Variants in ADAMTS16 observed in about 807,000 individuals in gnomAD.
The protein encoded by ADAMTS16 is A disintegrin and metalloproteinase with thrombospondin motifs 16.
ADAMTS16 carries 94 observed loss-of-function variants against 145.8 expected under a neutral mutation model. The ratio of observed to expected loss-of-function variants is 0.64; its 90% CI spans 0.55 to 0.77. ADAMTS16 has a LOEUF of 0.77. Among genes scored for constraint, ADAMTS16 ranks in the 30% least tolerant of loss-of-function variants. The pLI is 0.00. For synonymous variants in ADAMTS16, 659 were observed against 604.3 expected (o/e 1.09, Z -1.33); for missense variants, 1,585 against 1,591.5 (o/e 1.00, Z 0.07).
In ADAMTS16 at chr5:5,299,998, GT is replaced by G. The variant is rs1250250414; in HGVS notation, c.2790-3269del. Among the ~76,000 whole-genome samples the G allele has an allele frequency of 7.9e-5, 12 of 152,278 alleles. No homozygotes were observed. The East Asian group carries it at 2.1e-3, about 27-fold the overall frequency. ...GTTTTTTAAACAAAACAGACACTTG[GT>G]GTTTCCAGATGTGGTATGAAGGAGC... On this transcript the variant is annotated intron_variant, in intron 18 of 22. Coordinates refer to ENST00000274181, the MANE Select transcript of ADAMTS16 (RefSeq NM_139056.4).
intron 11 of ADAMTS16, among the ~76,000 whole-genome samples, chr5:5,229,154 C>T (rs1318940590): frequency 2.0e-5 from 3 of 151,350 alleles, no homozygotes; most frequent in Non-Finnish European, 2.9e-5. Context: ...AAAAATTAGC[C>T]GGGCGCGGTG....
intron 18 of ADAMTS16, among the ~76,000 whole-genome samples, chr5:5,264,779 G>GAC (rs1738173302): frequency 1.4e-5 from 2 of 141,906 alleles, no homozygotes; most frequent in African/African-American, 5.2e-5. Flanking sequence ...CTGCTATCAA[G>GAC]AGAGAATTTA....
At chr5:5,199,089 A>C (rs2126589035) in intron 8 of ADAMTS16, among the ~76,000 whole-genome samples, 1 of 152,296 alleles carries the variant, frequency 6.6e-6, no homozygotes, top group South Asian at 2.1e-4. Context: ...CTCCCAAGGA[A>C]GTATGTTGTG....
chr5:5,312,994 G>GA (rs932473906), intron 21 of ADAMTS16, among the ~76,000 whole-genome samples: 1 of 152,208 alleles, frequency 6.6e-6, no homozygotes, highest in Non-Finnish European at 1.5e-5. Flanking sequence ...GGCAAATTTA[G>GA]AAAGTGGAAA....
At chr5:5,157,212 G>T (rs763206488) in intron 3 of ADAMTS16, among the ~76,000 whole-genome samples, 1 of 150,894 alleles carries the variant, frequency 6.6e-6, no homozygotes, top group East Asian at 1.9e-4. Flanking sequence ...TAATTTCACA[G>T]AAATATATAG....
intron 8 of ADAMTS16, among the ~76,000 whole-genome samples, chr5:5,197,607 G>A (rs1237381473): frequency 6.6e-6 from 1 of 152,202 alleles, no homozygotes; most frequent in East Asian, 1.9e-4. Flanking sequence ...GTACTATGGT[G>A]CACAGGAGCA....
At chr5:5,220,065 A>G (rs947523344) in intron 10 of ADAMTS16, among the ~76,000 whole-genome samples, 1 of 152,066 alleles carries the variant, frequency 6.6e-6, no homozygotes, top group Non-Finnish European at 1.5e-5. Context: ...GCAAATGACT[A>G]CATGTTCCAT....
At chr5:5,181,925 A>G in intron 3 of ADAMTS16, 119 bp from the exon 4 acceptor site, 3 of 1,180,492 alleles carry the variant, frequency 2.5e-6, no homozygotes, top group Non-Finnish European at 3.6e-6. Flanking sequence ...GTTCGCTCTC[A>G]CTGGAGGGAA....
chr5:5,215,016 A>G lies in ADAMTS16; in HGVS notation c.1605+5770A>G, dbSNP rs142695078. 3.1e-3 allele frequency among the ~76,000 whole-genome samples: 467 copies of G among 152,300 alleles called. 5 individuals are homozygous for G. The highest frequency in any genetic ancestry group is 0.011 in the African/African-American group (453 of 41,566). On this transcript the variant is annotated intron_variant, in intron 10 of 22. Coordinates refer to ENST00000274181, the MANE Select transcript of ADAMTS16 (RefSeq NM_139056.4). ...CCCAGACCAGCCCTGGGCACAGTAG[A>G]GTCACTCAGAAATATGCTAATCTAG...
At chr5:5,277,462 G>A (rs1738745975) in intron 18 of ADAMTS16, among the ~76,000 whole-genome samples, 1 of 152,254 alleles carries the variant, frequency 6.6e-6, no homozygotes, top group African/African-American at 2.4e-5. Context: ...TCATTTCAAG[G>A]TTTGAAATGA....
At chr5:5,241,816 G>A (rs751464844) in intron 16 of ADAMTS16, among the ~76,000 whole-genome samples, 3 of 134,736 alleles carry the variant, frequency 2.2e-5, no homozygotes, top group Non-Finnish European at 4.7e-5. Context: ...TTACATGCGG[G>A]CATACACTAA....
At position 5,265,954 on chromosome 5, in the gene ADAMTS16, A is replaced by G. The variant is rs1017650248; in HGVS notation, c.2789+3171A>G. On this transcript the variant is annotated intron_variant, in intron 18 of 22. Transcript: ENST00000274181. The stretch of plus-strand genomic sequence containing the variant: ...AGGCACCGAGTTACCAGTGCTATGA[A>G]GTGGGGAAACCAGTAAATTAGACTT... Among the ~76,000 whole-genome samples, 6 of 151,248 alleles carry G rather than the reference A, an allele frequency of 4.0e-5. 1 individual carries two copies. The highest frequency in any genetic ancestry group is 4.0e-4 in the Admixed American group (6 of 15,184).
intron 22 of ADAMTS16, 137 bp from the exon 23 acceptor site, chr5:5,318,885 TC>T: frequency 1.6e-6 from 1 of 633,848 alleles, no homozygotes; most frequent in South Asian, 1.9e-5. Context: ...GGGACCCCCA[TC>T]AGACCTGGGG....
At chr5:5,141,221 G>A (rs999844227) in intron 2 of ADAMTS16, among the ~76,000 whole-genome samples, 4 of 152,098 alleles carry the variant, frequency 2.6e-5, no homozygotes, top group African/African-American at 9.7e-5. Flanking sequence ...CTCAGTGAAG[G>A]AGATAAAAGA....
intron 8 of ADAMTS16, among the ~76,000 whole-genome samples, chr5:5,194,948 G>A (rs1302949006): frequency 1.3e-5 from 2 of 152,128 alleles, no homozygotes; most frequent in Non-Finnish European, 2.9e-5. Context: ...ATTTGGGATG[G>A]AGGAGTACTT....
At chr5:5,177,635 A>G (rs1735236292) in intron 3 of ADAMTS16, among the ~76,000 whole-genome samples, 4 of 152,248 alleles carry the variant, frequency 2.6e-5, no homozygotes, top group African/African-American at 7.2e-5. Context: ...ATAAGAAAAT[A>G]AAAAGCAAAG....
chr5:5,159,100 C>T (rs1349606270), intron 3 of ADAMTS16, among the ~76,000 whole-genome samples: 1 of 152,164 alleles, frequency 6.6e-6, no homozygotes, highest in Non-Finnish European at 1.5e-5. Flanking sequence ...TTATCAAAAT[C>T]CAGAACCAAG....
chr5:5,216,442 A>G (rs1736444453), intron 10 of ADAMTS16, among the ~76,000 whole-genome samples: 1 of 151,652 alleles, frequency 6.6e-6, no homozygotes, highest in African/African-American at 2.4e-5. Flanking sequence ...TGTCAGACGT[A>G]TAGATTGTTA....
intron 17 of ADAMTS16, among the ~76,000 whole-genome samples, chr5:5,242,826 A>G (rs1036307890): frequency 1.3e-5 from 2 of 152,332 alleles, no homozygotes; most frequent in East Asian, 1.9e-4. Context: ...GCCAGAGCCA[A>G]TATGTACTGA....
Sources: gnomAD v4.1 joint callset for allele counts (sites outside exome capture counted in the v4.1 genomes callset) on GRCh38, gnomAD v4.1.1 for gene constraint, MANE v1.5 for transcripts, NCBI Gene and HGNC (gene_info 2026-07-23, HGNC 2026-07-21) for gene names.